Variants in RFX2 observed in about 807,000 individuals in gnomAD.
RFX2 encodes regulatory factor X2, also known as DNA-binding protein RFX2.
Under a neutral mutation model 87.8 loss-of-function variants are expected in RFX2, and 20 were observed. The observed-to-expected ratio is 0.23, with a 90% confidence interval of 0.16 to 0.33. The LOEUF is 0.33. Ranked by LOEUF, RFX2 falls within the 10% of genes least tolerant of loss-of-function variation. RFX2 has a pLI of 1.00. For missense variants in RFX2, 767 were observed against 1,012.3 expected (o/e 0.76, Z 3.29); for synonymous variants, 397 against 431.3 (o/e 0.92, Z 0.98).
At chr19:6,088,514 A>G (rs778778131) in intron 1 of RFX2, among the ~76,000 whole-genome samples, 21 of 151,082 alleles carry the variant, frequency 1.4e-4, no homozygotes, top group Non-Finnish European at 3.1e-4. Context: ...CCAGCCCAGC[A>G]TTTTTTTTTA....
chr19:6,048,198 T>C (rs1243262913), intron 1 of RFX2, among the ~76,000 whole-genome samples: 2 of 152,246 alleles, frequency 1.3e-5, no homozygotes, highest in Non-Finnish European at 2.9e-5. Flanking sequence ...CATTTTATCC[T>C]GGGCTGGATA....
At position 6,017,954 on chromosome 19, in the gene RFX2, G is replaced by A. The variant is rs1227312351; in HGVS notation, c.598-1683C>T. Among the ~76,000 whole-genome samples the A allele has an allele frequency of 1.3e-5, 2 of 149,200 alleles. No homozygotes were observed. Among genetic ancestry groups the A allele is most frequent in the Non-Finnish European group, 3.0e-5 (2 of 67,674 alleles). On this transcript the variant is annotated intron_variant, in intron 6 of 17. Coordinates refer to ENST00000303657, the MANE Select transcript of RFX2 (RefSeq NM_000635.4). The surrounding 1 kb of genome is among the most constrained non-coding windows in gnomAD (Gnocchi z 4.1). ...CCAACTCAGCATTAGAAGCTGGGGA[G>A]GAAGAAAGCATTCATCTCCCTTTAA...
intron 1 of RFX2, among the ~76,000 whole-genome samples, chr19:6,051,395 A>G (rs1385656040): frequency 1.3e-5 from 2 of 152,194 alleles, no homozygotes; most frequent in Non-Finnish European, 2.9e-5. Flanking sequence ...GGATGGGGAC[A>G]AATTAAGTTA....
rs1261485494 is a variant in RFX2 at position 6,007,251 on chromosome 19, C to T, written c.1248-85G>A. On this transcript the variant is annotated intron_variant, in intron 11 of 17. Coordinates refer to ENST00000303657, the MANE Select transcript of RFX2 (RefSeq NM_000635.4). The surrounding 1 kb of genome is among the most constrained non-coding windows in gnomAD (Gnocchi z 8.2). Reference sequence around the variant, plus strand: ...CGGGAGCGAGCAGAGAGCCGGGCTGCGGGACTTTTGCCCAACAGTGGGGCT... The same window carrying T: ...CGGGAGCGAGCAGAGAGCCGGGCTGTGGGACTTTTGCCCAACAGTGGGGCT... 1.0e-5 allele frequency: 15 copies of T among 1,432,162 alleles called. No homozygotes were observed. In the South Asian group the frequency reaches 1.3e-4, roughly 12 times the overall value. The allele number at this position is 1,432,162 out of a possible 1,614,324, so 88.7% of individuals were successfully genotyped here. A position where few individuals can be genotyped will look rare whatever the true frequency, so the allele number is the denominator to read the frequency against.
At chr19:6,081,460 G>A (rs2087784169) in intron 1 of RFX2, among the ~76,000 whole-genome samples, 1 of 152,288 alleles carries the variant, frequency 6.6e-6, no homozygotes, top group Admixed American at 6.5e-5. Context: ...AAATAATTAA[G>A]CATTTAGTTA....
chr19:6,026,295 A>G lies in RFX2; in HGVS notation c.523-58T>C. 2.8e-6 allele frequency: 4 copies of G among 1,404,284 alleles called. No homozygotes were observed. Among genetic ancestry groups the G allele is most frequent in the Non-Finnish European group, 4.0e-6 (4 of 999,642 alleles). The allele number at this position is 1,404,284 out of a possible 1,614,324, so 87.0% of individuals were successfully genotyped here. On this transcript the variant is annotated intron_variant, in intron 5 of 17. Coordinates refer to ENST00000303657, the MANE Select transcript of RFX2 (RefSeq NM_000635.4). The surrounding 1 kb of genome is among the most constrained non-coding windows in gnomAD (Gnocchi z 4.5). The stretch of plus-strand genomic sequence containing the variant: ...CAAAATGGAAAAAAAAAAAAAGGAA[A>G]TCAGATGGTTAGCATCAGCCAAGAT...
At chr19:6,104,006 A>G (rs2088169612) in intron 1 of RFX2, among the ~76,000 whole-genome samples, 2 of 152,210 alleles carry the variant, frequency 1.3e-5, no homozygotes. Flanking sequence ...AATTATTTCT[A>G]ATATAGCAAC....
intron 16 of RFX2, 57 bp from the exon 17 acceptor site, chr19:5,995,700 G>C (rs2086397587): frequency 6.8e-7 from 1 of 1,479,372 alleles, no homozygotes; most frequent in Non-Finnish European, 9.2e-7. Context: ...TTGCTGTTTG[G>C]GGGCTCGGGG....
In RFX2 at chr19:6,020,641, C is replaced by T. The variant is rs2086799024; in HGVS notation, c.598-4370G>A. 6.6e-6 allele frequency among the ~76,000 whole-genome samples: 1 copy of T among 152,212 alleles called. No homozygotes were observed. Among genetic ancestry groups the T allele is most frequent in the South Asian group, 2.1e-4 (1 of 4,828 alleles). On this transcript the variant is annotated intron_variant, in intron 6 of 17. Coordinates refer to ENST00000303657, the MANE Select transcript of RFX2 (RefSeq NM_000635.4). The surrounding 1 kb of genome is among the most constrained non-coding windows in gnomAD (Gnocchi z 5.3). ...TCACAGGTCAGTTCCGTGAAACCGA[C>T]CACGAGGGTCCAGCCGCTCCAACCA... is the stretch of plus-strand genomic sequence containing the variant.
intron 1 of RFX2, chr19:6,049,268 T>C (rs1030801469): frequency 1.3e-5 from 2 of 152,224 alleles, no homozygotes; most frequent in African/African-American, 4.8e-5. Context: ...TACTAGGAGA[T>C]AATTTGACTA....
intron 1 of RFX2, among the ~76,000 whole-genome samples, chr19:6,079,582 A>C (rs1425273649): frequency 1.3e-5 from 2 of 152,138 alleles, no homozygotes; most frequent in Non-Finnish European, 2.9e-5. Flanking sequence ...TTTGAGATGG[A>C]GGTTATAAGA....
chr19:6,102,113 G>T (rs2088136580), intron 1 of RFX2, among the ~76,000 whole-genome samples: 1 of 152,054 alleles, frequency 6.6e-6, no homozygotes, highest in Admixed American at 6.5e-5. Flanking sequence ...AACATGGGCC[G>T]CCCAGTCCTG....
chr19:6,098,038 T>C (rs1390940863), intron 1 of RFX2, among the ~76,000 whole-genome samples: 1 of 152,228 alleles, frequency 6.6e-6, no homozygotes. Flanking sequence ...TTTCTTCTTT[T>C]CTTATACAAG....
intron 5 of RFX2, among the ~76,000 whole-genome samples, chr19:6,029,850 C>T (rs2144741558): frequency 6.6e-6 from 1 of 152,242 alleles, no homozygotes; most frequent in African/African-American, 2.4e-5. Context: ...ATGAAAACTT[C>T]ACTAGGGGAG....
rs544499207 is a variant in RFX2 at position 6,009,383 on chromosome 19, C to T, written c.1015+753G>A. Reference sequence around the variant, plus strand: ...GGCAGGCTCTGAGTTAGGGCCTTCCCGGGGCAGAGATGGCACCACCACTAA... The same window carrying T: ...GGCAGGCTCTGAGTTAGGGCCTTCCTGGGGCAGAGATGGCACCACCACTAA... On this transcript the variant is annotated intron_variant, in intron 9 of 17. Coordinates refer to ENST00000303657, the MANE Select transcript of RFX2 (RefSeq NM_000635.4). Among the ~76,000 whole-genome samples the T allele has an allele frequency of 3.0e-3, 453 of 152,190 alleles. 2 individuals carry two copies. The highest frequency in any genetic ancestry group is 0.01 in the African/African-American group (418 of 41,526).
At chr19:6,060,885 C>T (rs961647775) in intron 1 of RFX2, among the ~76,000 whole-genome samples, 6 of 152,098 alleles carry the variant, frequency 3.9e-5, no homozygotes, top group Admixed American at 2.0e-4. Flanking sequence ...GGCACCAGGA[C>T]TCCCAGCACC....
chr19:6,034,304 C>G (rs1410270634), intron 5 of RFX2, among the ~76,000 whole-genome samples: 1 of 151,038 alleles, frequency 6.6e-6, no homozygotes, highest in Non-Finnish European at 1.5e-5. Flanking sequence ...TCTTGGCTCA[C>G]TGCAACCTCC....
chr19:6,009,105 G>A (rs1244082625), intron 9 of RFX2, among the ~76,000 whole-genome samples: 2 of 152,170 alleles, frequency 1.3e-5, no homozygotes, highest in Non-Finnish European at 2.9e-5. Flanking sequence ...CACACAGCAA[G>A]TACCCACAGA....
chr19:6,038,729 A>G (rs2087058396), intron 5 of RFX2, among the ~76,000 whole-genome samples: 1 of 152,300 alleles, frequency 6.6e-6, no homozygotes, highest in South Asian at 2.1e-4. Context: ...AGCTGCTACC[A>G]TCATTAGCTA....
Sources: gnomAD v4.1 joint callset for allele counts (sites outside exome capture counted in the v4.1 genomes callset) on GRCh38, gnomAD v4.1.1 for gene constraint, Gnocchi (gnomAD v3.1) non-coding constraint, MANE v1.5 for transcripts, NCBI Gene and HGNC (gene_info 2026-07-23, HGNC 2026-07-21) for gene names.